The following SLC9A8 variants were observed in gnomAD, a reference collection of about 807,000 sequenced individuals.
SLC9A8 encodes sodium/hydrogen exchanger 8.
A neutral mutation model predicts 66.6 loss-of-function variants in SLC9A8; 48 were observed. The observed-to-expected ratio is 0.72, with a 90% CI of 0.57 to 0.92. SLC9A8 has a LOEUF of 0.92. Among genes scored for constraint, SLC9A8 ranks in the 40% least tolerant of loss-of-function variants. The pLI, the probability that SLC9A8 is intolerant of heterozygous loss-of-function variation, is 0.00. For missense variants in SLC9A8, 599 were observed against 747.3 expected (o/e 0.80, Z 2.31); for synonymous variants, 274 against 282.6 (o/e 0.97, Z 0.31).
At chr20:49,865,640 G>T (rs77691881) in intron 10 of SLC9A8, among the ~76,000 whole-genome samples, 2 of 152,142 alleles carry the variant, frequency 1.3e-5, no homozygotes, top group Admixed American at 6.5e-5. Flanking sequence ...CAGTCACAGC[G>T]TAATGATCTT....
chr20:49,813,015 C>A, intron 1 of SLC9A8, 67 bp downstream of exon 1: 1 of 1,310,810 alleles, frequency 7.6e-7, no homozygotes, highest in Non-Finnish European at 9.8e-7. Flanking sequence ...CAGCGAGCGC[C>A]TCAGGCCGCC....
chr20:49,872,114 C>T (rs1348444723), intron 10 of SLC9A8, among the ~76,000 whole-genome samples: 1 of 152,142 alleles, frequency 6.6e-6, no homozygotes, highest in Non-Finnish European at 1.5e-5. Context: ...AGTGAAACTC[C>T]ATCTCAAAGG....
At chr20:49,834,755 G>A (rs1211672014) in intron 3 of SLC9A8, among the ~76,000 whole-genome samples, 1 of 152,000 alleles carries the variant, frequency 6.6e-6, no homozygotes, top group African/African-American at 2.4e-5. Flanking sequence ...AATAATTACT[G>A]ATTTTCAAAT....
Position 49,818,572 on chromosome 20 carries a change from C to G in SLC9A8, c.208+3383C>G, listed in dbSNP as rs138369592. 2.0e-5 allele frequency among the ~76,000 whole-genome samples: 3 copies of G among 149,184 alleles called. No homozygotes were observed. In the East Asian group the frequency reaches 6.0e-4, roughly 30 times the overall value. ...GTGGCATGATCTCACCTCACTGCAA[C>G]TTCTGCCTCCCGGGTTCAAGTGATT... On this transcript the variant is annotated intron_variant, in intron 2 of 15. Coordinates refer to ENST00000361573, the MANE Select transcript of SLC9A8 (RefSeq NM_015266.3).
At chr20:49,813,015 C>G (rs978260051) in intron 1 of SLC9A8, 67 bp downstream of exon 1, 29 of 1,310,692 alleles carry the variant, frequency 2.2e-5, no homozygotes, top group African/African-American at 3.1e-5. Context: ...CAGCGAGCGC[C>G]TCAGGCCGCC....
At chr20:49,851,311 A>G (rs1294291252) in intron 7 of SLC9A8, among the ~76,000 whole-genome samples, 1 of 152,160 alleles carries the variant, frequency 6.6e-6, no homozygotes, top group African/African-American at 2.4e-5. Flanking sequence ...TATTGTAGAA[A>G]GCCCCTCCAT....
intron 3 of SLC9A8, among the ~76,000 whole-genome samples, chr20:49,836,303 TACTC>T (rs1251354639): frequency 6.6e-6 from 1 of 152,232 alleles, no homozygotes; most frequent in Non-Finnish European, 1.5e-5. Flanking sequence ...ACATTTTGTT[TACTC>T]ACTCATTAGT....
intron 2 of SLC9A8, among the ~76,000 whole-genome samples, chr20:49,822,379 A>G (rs1271466656): frequency 1.3e-5 from 2 of 152,380 alleles, no homozygotes; most frequent in African/African-American, 4.8e-5. Flanking sequence ...CCTCTTCACC[A>G]TATAGTGTTC....
At chr20:49,849,844 C>T (rs968646293) in intron 6 of SLC9A8, among the ~76,000 whole-genome samples, 164 bp downstream of exon 6, 2 of 152,190 alleles carry the variant, frequency 1.3e-5, no homozygotes, top group Non-Finnish European at 2.9e-5. Flanking sequence ...ACAGTAGAGG[C>T]GTGCTAAATT....
rs1282565667 is a variant in SLC9A8 at position 49,887,865 on chromosome 20, A to G, written c.1675A>G (p.Thr559Ala). 1.9e-6 allele frequency: 3 copies of G among 1,612,874 alleles called. No homozygotes were observed. The highest frequency in any genetic ancestry group is 2.5e-6 in the Non-Finnish European group (3 of 1,179,332). Reference sequence around the variant, plus strand: ...CGGGCGCATCCAGATGAAAACTCTCACCAACAAGTGGTACGAGGAGGTACG... The same window carrying G: ...CGGGCGCATCCAGATGAAAACTCTCGCCAACAAGTGGTACGAGGAGGTACG... ...HHGRIQMKTLTNKWYEEVRQG... is the reference protein window; with the variant it reads ...HHGRIQMKTLANKWYEEVRQG... The change falls in exon 16 of 16, where the codon ACC becomes GCC. Residue 559 changes from threonine (T) to alanine (A), a missense_variant. Around this residue, in one of 2 missense-constraint regions of SLC9A8, gnomAD observed 467 missense variants for 626.5 expected, o/e 0.75. Coordinates refer to ENST00000361573, the MANE Select transcript of SLC9A8 (RefSeq NM_015266.3).
chr20:49,860,464 C>T (rs756244550), intron 8 of SLC9A8, among the ~76,000 whole-genome samples: 3 of 152,098 alleles, frequency 2.0e-5, no homozygotes, highest in Non-Finnish European at 4.4e-5. Flanking sequence ...TGTCTGTAAT[C>T]CCAGCACTTT....
chr20:49,859,987 G>T (rs371857770), intron 8 of SLC9A8, among the ~76,000 whole-genome samples: 23 of 152,128 alleles, frequency 1.5e-4, no homozygotes, highest in Non-Finnish European at 2.9e-4. Context: ...TTAACCCTTT[G>T]TGTGACCTTA....
chr20:49,845,087 A>G lies in SLC9A8; in HGVS notation c.400A>G (p.Ile134Val), dbSNP rs760712061. 6 of 1,613,074 alleles carry G rather than the reference A, an allele frequency of 3.7e-6. No individual in the cohort carries two copies. The highest frequency in any genetic ancestry group is 3.3e-5 in the Admixed American group (2 of 60,000). The change falls in exon 5 of 16, where the codon ATT becomes GTT. Residue 134 changes from isoleucine (I) to valine (V), a missense_variant. Physicochemically the swap from Ile to Val is conservative, Grantham distance 29. Around this residue, in one of 2 missense-constraint regions of SLC9A8, gnomAD observed 467 missense variants for 626.5 expected, o/e 0.75. Transcript: ENST00000361573. Reference protein sequence around the residue: ...NMFFLLLLPPIIFESGYSLHK... With the variant: ...NMFFLLLLPPVIFESGYSLHK... ...GTTTTTCCTCCTCCTGCTTCCCCCT[A>G]TTATCTTTGAGTCTGGATATTCATT... is the stretch of plus-strand genomic sequence containing the variant.
intron 10 of SLC9A8, among the ~76,000 whole-genome samples, chr20:49,874,263 CCAAA>C (rs2089334549): frequency 6.6e-6 from 1 of 151,250 alleles, no homozygotes; most frequent in South Asian, 2.1e-4. Context: ...TGTCCCCCCC[CCAAA>C]AAAAAGGGTG....
intron 3 of SLC9A8, among the ~76,000 whole-genome samples, chr20:49,833,556 T>C (rs1321082263): frequency 1.3e-5 from 2 of 152,186 alleles, no homozygotes; most frequent in Non-Finnish European, 2.9e-5. Context: ...CAGTGCACTC[T>C]GGGAGTGAGC....
chr20:49,880,773 C>T (rs574062726), intron 12 of SLC9A8, 151 bp from the exon 13 acceptor site: 9 of 615,384 alleles, frequency 1.5e-5, no homozygotes, highest in East Asian at 2.8e-5. Context: ...GGGTCTCTGA[C>T]GAGCATGGTG....
chr20:49,845,110 A>G lies in SLC9A8; in HGVS notation c.423A>G (p.Ser141=), dbSNP rs1250661326. The change falls in exon 5 of 16, where the codon TCA becomes TCG. Residue 141 remains serine (S), a synonymous_variant. Transcript: ENST00000361573. ...CTATTATCTTTGAGTCTGGATATTC[A>G]TTACACAAGGTGAGACTCAGGCACA... The part of the protein sequence containing the change: ...LPPIIFESGY[S]LHKGNFFQNI... 6.2e-7 allele frequency: 1 copy of G among 1,610,802 alleles called. No homozygotes were observed. The highest frequency in any genetic ancestry group is 1.3e-5 in the African/African-American group (1 of 74,858).
chr20:49,888,012 G>T lies in SLC9A8; in HGVS notation c.*76G>T. On this transcript the variant is annotated 3_prime_UTR_variant, in exon 16 of 16. Coordinates refer to ENST00000361573, the MANE Select transcript of SLC9A8 (RefSeq NM_015266.3). ...CGCACAGACACTCAGCAGGGGCCTC[G>T]CAGAGATGCGTGCATCCAGCAGCCC... The T allele has an allele frequency of 8.8e-7, 1 of 1,131,510 alleles. No individual in the cohort carries two copies. The highest frequency in any genetic ancestry group is 1.3e-6 in the Non-Finnish European group (1 of 750,444). The allele number at this position is 1,131,510 out of a possible 1,614,324, so 70.1% of individuals were successfully genotyped here. A position where few individuals can be genotyped will look rare whatever the true frequency, so the allele number is the denominator to read the frequency against.
intron 10 of SLC9A8, among the ~76,000 whole-genome samples, chr20:49,872,780 C>T (rs865844866): frequency 3.9e-5 from 6 of 152,170 alleles, no homozygotes; most frequent in Non-Finnish European, 7.3e-5. Context: ...CCACCGCGCC[C>T]GGCCGATTTT....
Sources: gnomAD v4.1 joint callset for allele counts (sites outside exome capture counted in the v4.1 genomes callset) on GRCh38, gnomAD v4.1.1 for gene constraint, gnomAD v4.1.1 regional missense constraint, MANE v1.5 for transcripts, NCBI Gene and HGNC (gene_info 2026-07-23, HGNC 2026-07-21) for gene names.